Variants in SH3BP5 observed in about 807,000 individuals in gnomAD.
SH3BP5 encodes SH3 domain binding protein 5.
A neutral mutation model predicts 43.3 loss-of-function variants in SH3BP5; 22 were observed. The observed-to-expected ratio is 0.51, with a 90% CI of 0.36 to 0.73. The LOEUF (loss-of-function observed/expected upper bound fraction) is 0.73, where lower values mean the gene tolerates loss of function less well. Ranked by LOEUF, SH3BP5 falls within the 30% of genes least tolerant of loss-of-function variation. SH3BP5 has a pLI of 0.00. For synonymous variants in SH3BP5, 255 were observed against 225.8 expected (o/e 1.13, Z -1.16); for missense variants, 529 against 586.9 (o/e 0.90, Z 1.02).
intron 2 of SH3BP5, among the ~76,000 whole-genome samples, chr3:15,323,061 C>G (rs566581684): frequency 1.3e-5 from 2 of 152,108 alleles, no homozygotes; most frequent in African/African-American, 4.8e-5. Context: ...ATCGCTTGAA[C>G]CTGGGAGGCA....
upstream of SH3BP5, chr3:15,332,996 A>G (rs374656435): frequency 2.6e-5 from 19 of 720,578 alleles, no homozygotes; most frequent in East Asian, 7.9e-4. Flanking sequence ...AACCTTGGGA[A>G]TGGCGGAGGT....
intron 3 of SH3BP5, among the ~76,000 whole-genome samples, chr3:15,294,077 C>CAAAAAAAA (rs111324706): frequency 1.4e-5 from 1 of 70,942 alleles, no homozygotes; most frequent in African/African-American, 4.2e-5. Flanking sequence ...GTCTCCATCT[C>CAAAAAAAA]AAAAAAAAAA....
chr3:15,319,080 A>G (rs557978322), intron 2 of SH3BP5, among the ~76,000 whole-genome samples: 1 of 152,352 alleles, frequency 6.6e-6, no homozygotes, highest in South Asian at 2.1e-4. Context: ...ACCACCCTGA[A>G]TTACAAAGCA....
intron 5 of SH3BP5, 125 bp from the exon 6 acceptor site, chr3:15,259,928 C>T: frequency 1.2e-6 from 1 of 824,352 alleles, no homozygotes; most frequent in Non-Finnish European, 2.1e-6. Flanking sequence ...TTAGTAAACT[C>T]TTAACAAGGC....
At chr3:15,272,944 C>G (rs73818704) in intron 3 of SH3BP5, among the ~76,000 whole-genome samples, 8,051 of 152,158 alleles carry the variant, frequency 0.053, 746 homozygotes, top group African/African-American at 0.18. Flanking sequence ...CTCACCCCCC[C>G]AACCCCTGCC....
chr3:15,317,600 A>G (rs1468894748), intron 2 of SH3BP5, among the ~76,000 whole-genome samples: 1 of 152,200 alleles, frequency 6.6e-6, no homozygotes, highest in Non-Finnish European at 1.5e-5. Context: ...TAAAAAAGCT[A>G]TATTCAAGTA....
At chr3:15,281,715 A>G (rs1229171841) in intron 3 of SH3BP5, among the ~76,000 whole-genome samples, 1 of 152,102 alleles carries the variant, frequency 6.6e-6, no homozygotes, top group East Asian at 1.9e-4. Context: ...CAAAAGAAAC[A>G]TTTTGGGCCA....
chr3:15,284,613 A>G (rs920501658), intron 3 of SH3BP5, among the ~76,000 whole-genome samples: 28 of 152,202 alleles, frequency 1.8e-4, no homozygotes, highest in Admixed American at 1.3e-3. Context: ...CAACAAAAGG[A>G]GCCTCTCAAT....
Position 15,330,572 on chromosome 3 carries a change from G to A in SH3BP5, c.139-6C>T. ...TTTAACTTCTCCAGTTCTCCCTGGT[G>A]AAGAAAAGAGGGAGAAAAAAAGACT... On this transcript the variant is annotated splice_polypyrimidine_tract_variant and splice_region_variant and intron_variant, in intron 1 of 8. Transcript: ENST00000383791. The A allele has an allele frequency of 6.3e-7, 1 of 1,591,818 alleles. No homozygotes were observed. The highest frequency in any genetic ancestry group is 8.6e-7 in the Non-Finnish European group (1 of 1,168,974).
intron 2 of SH3BP5, among the ~76,000 whole-genome samples, chr3:15,324,763 T>C (rs1698417974): frequency 6.6e-6 from 1 of 151,062 alleles, no homozygotes; most frequent in Non-Finnish European, 1.5e-5. Context: ...TAATAATTCA[T>C]GAGGGAGGGG....
chr3:15,328,018 C>T lies in SH3BP5; in HGVS notation c.201+2486G>A, dbSNP rs116659183. Among the ~76,000 whole-genome samples the T allele has an allele frequency of 9.9e-3, 1,503 of 152,200 alleles. 17 individuals carry two copies. The highest frequency in any genetic ancestry group is 0.033 in the African/African-American group (1,382 of 41,514). On this transcript the variant is annotated intron_variant, in intron 2 of 8. Coordinates refer to ENST00000383791, the MANE Select transcript of SH3BP5 (RefSeq NM_004844.5). The stretch of plus-strand genomic sequence containing the variant: ...AAATTCATTTCAGCTGTTTCTTTTT[C>T]GTTTTTAATGCGTCTACTAGGGAGT...
chr3:15,339,952 T>C (rs74282165), intron 1 of SH3BP5: 1 of 151,726 alleles, frequency 6.6e-6, no homozygotes. Flanking sequence ...ACCCTGCAAA[T>C]CAATGAGCAT....
At chr3:15,282,194 A>G (rs962548974) in intron 3 of SH3BP5, among the ~76,000 whole-genome samples, 8 of 152,334 alleles carry the variant, frequency 5.3e-5, no homozygotes, top group African/African-American at 1.2e-4. Flanking sequence ...AACTTTTCAG[A>G]TTGGAATGCC....
At chr3:15,264,580 CAG>C (rs1258148732) in intron 4 of SH3BP5, 3 of 152,190 alleles carry the variant, frequency 2.0e-5, no homozygotes, top group Non-Finnish European at 4.4e-5. Flanking sequence ...TTTTTAAAAA[CAG>C]AAAAACAACA....
chr3:15,308,565 G>A (rs1217552923), intron 2 of SH3BP5, among the ~76,000 whole-genome samples: 1 of 152,074 alleles, frequency 6.6e-6, no homozygotes, highest in Non-Finnish European at 1.5e-5. Flanking sequence ...GGGGACATTC[G>A]ACCCTCCAGC....
chr3:15,291,725 T>A (rs973152640), intron 3 of SH3BP5, among the ~76,000 whole-genome samples: 3 of 152,202 alleles, frequency 2.0e-5, no homozygotes, highest in African/African-American at 7.2e-5. Flanking sequence ...GTTGGGAATA[T>A]GCAGTCCCAC....
chr3:15,311,959 T>C (rs553438040), intron 2 of SH3BP5, among the ~76,000 whole-genome samples: 1 of 152,266 alleles, frequency 6.6e-6, no homozygotes, highest in African/African-American at 2.4e-5. Context: ...CGTGAGCCAC[T>C]GCAACCAGCC....
chr3:15,299,040 G>T (rs1052328431), intron 3 of SH3BP5, among the ~76,000 whole-genome samples: 1 of 152,190 alleles, frequency 6.6e-6, no homozygotes. Flanking sequence ...TTCTTAAAGA[G>T]GAGAAAAAGA....
At chr3:15,324,960 A>G (rs1489380586) in intron 2 of SH3BP5, among the ~76,000 whole-genome samples, 2 of 152,182 alleles carry the variant, frequency 1.3e-5, no homozygotes, top group African/African-American at 4.8e-5. Context: ...AGGAACACAG[A>G]TACTCAGAAA....
Sources: gnomAD v4.1 joint callset for allele counts (sites outside exome capture counted in the v4.1 genomes callset) on GRCh38, gnomAD v4.1.1 for gene constraint, MANE v1.5 for transcripts, NCBI Gene and HGNC (gene_info 2026-07-23, HGNC 2026-07-21) for gene names.